Variants in PTPRT observed in about 807,000 individuals in gnomAD.
PTPRT encodes receptor-type tyrosine-protein phosphatase T.
In PTPRT, 56 loss-of-function variants were observed where a neutral mutation model predicts 176.8. The observed-to-expected ratio is 0.32, with a 90% confidence interval of 0.26 to 0.40. The LOEUF is 0.40. PTPRT is among the 10% of genes least tolerant of loss of function. The pLI is 1.00. For missense variants in PTPRT, 1,540 were observed against 1,908.2 expected (o/e 0.81, Z 3.60); for synonymous variants, 783 against 739.0 (o/e 1.06, Z -0.96).
At chr20:42,564,908 A>G (rs964113737) in intron 7 of PTPRT, among the ~76,000 whole-genome samples, 11 of 152,148 alleles carry the variant, frequency 7.2e-5, no homozygotes, top group African/African-American at 2.4e-4. Flanking sequence ...CTCATTTTAT[A>G]TGAAGAACTT....
intron 7 of PTPRT, among the ~76,000 whole-genome samples, chr20:42,484,218 C>T (rs62204948): frequency 5.1e-4 from 78 of 151,998 alleles, no homozygotes; most frequent in African/African-American, 1.8e-3. Context: ...TTTTTTTTCC[C>T]ACAGATCCTA....
intron 7 of PTPRT, among the ~76,000 whole-genome samples, chr20:42,527,575 T>A (rs962883818): frequency 1.3e-5 from 2 of 152,238 alleles, no homozygotes; most frequent in African/African-American, 4.8e-5. Flanking sequence ...TTTCTGATTT[T>A]TCTTCTTATG....
intron 1 of PTPRT, among the ~76,000 whole-genome samples, chr20:42,955,214 T>C (rs1015660890): frequency 4.6e-5 from 7 of 152,204 alleles, no homozygotes; most frequent in African/African-American, 1.4e-4. Context: ...ATTAACACCA[T>C]TAATCCTTCC....
chr20:42,271,663 C>A (rs2147003592), intron 13 of PTPRT, among the ~76,000 whole-genome samples: 1 of 152,308 alleles, frequency 6.6e-6, no homozygotes, highest in African/African-American at 2.4e-5. Context: ...TTCAAGGTCA[C>A]AAACTGGTAA....
intron 14 of PTPRT, among the ~76,000 whole-genome samples, chr20:42,247,712 A>C (rs76882567): frequency 0.045 from 6,897 of 152,220 alleles, 503 homozygotes; most frequent in African/African-American, 0.15. Flanking sequence ...GTTTGCTATG[A>C]TAGACTGAGG....
intron 6 of PTPRT, among the ~76,000 whole-genome samples, chr20:42,719,790 G>A (rs1008361765): frequency 1.3e-5 from 2 of 152,138 alleles, no homozygotes; most frequent in Non-Finnish European, 2.9e-5. Context: ...GTGTATAAAC[G>A]TCACTGGATA....
intron 9 of PTPRT, among the ~76,000 whole-genome samples, chr20:42,405,938 C>G (rs1487551949): frequency 2.6e-5 from 4 of 152,086 alleles, no homozygotes; most frequent in Non-Finnish European, 5.9e-5. Context: ...AAAAGAAAGC[C>G]TTAACTTCTT....
intron 7 of PTPRT, among the ~76,000 whole-genome samples, chr20:42,593,121 A>G (rs773372108): frequency 3.3e-5 from 5 of 152,204 alleles, no homozygotes; most frequent in Non-Finnish European, 7.3e-5. Context: ...CATCTAGTTC[A>G]TGAGCCTTTG....
At chr20:42,481,207 C>G (rs962479925) in intron 7 of PTPRT, among the ~76,000 whole-genome samples, 19 of 152,038 alleles carry the variant, frequency 1.2e-4, no homozygotes, top group Non-Finnish European at 7.4e-5. Context: ...AAAGCTAGAA[C>G]CTTAGGCTAT....
intron 2 of PTPRT, among the ~76,000 whole-genome samples, chr20:42,839,482 A>G (rs1317240251): frequency 1.3e-5 from 2 of 152,168 alleles, no homozygotes; most frequent in Non-Finnish European, 2.9e-5. Flanking sequence ...TGCCCTCCAG[A>G]AAGTGAGGAT....
At chr20:42,508,525 A>T (rs1163912801) in intron 7 of PTPRT, among the ~76,000 whole-genome samples, 2 of 152,184 alleles carry the variant, frequency 1.3e-5, no homozygotes, top group Non-Finnish European at 2.9e-5. Context: ...TTTAACAAAA[A>T]ATAGAATAGC....
intron 2 of PTPRT, among the ~76,000 whole-genome samples, chr20:42,863,474 T>C (rs2078695880): frequency 6.6e-6 from 1 of 152,174 alleles, no homozygotes; most frequent in African/African-American, 2.4e-5. Flanking sequence ...AATGCAGATG[T>C]TTTCTTCCTC....
At chr20:43,032,626 G>T (rs556536542) in intron 1 of PTPRT, among the ~76,000 whole-genome samples, 34 of 152,182 alleles carry the variant, frequency 2.2e-4, no homozygotes, top group African/African-American at 8.2e-4. Flanking sequence ...TGTAGTTCCA[G>T]AAGAGTCCAC....
rs1244009826 is a variant in PTPRT, at chr20:42,291,583, G to A, written c.2140-9058C>T. ...TGTAAGGGAGATGGCATGGGGTGTG[G>A]GTGGGAAGGGAGATGGTCTGCTGCT... On this transcript the variant is annotated intron_variant, in intron 12 of 30. Transcript: ENST00000373187. 2.0e-5 allele frequency among the ~76,000 whole-genome samples: 3 copies of A among 152,214 alleles called. No individual in the cohort carries two copies. In the East Asian group the frequency reaches 5.8e-4, roughly 29 times the overall value.
At chr20:43,149,670 CAT>C (rs1345802920) in intron 1 of PTPRT, among the ~76,000 whole-genome samples, 5 of 152,348 alleles carry the variant, frequency 3.3e-5, no homozygotes, top group South Asian at 2.1e-4. Context: ...AATGAGGTAA[CAT>C]GTGTGAAAGG....
At chr20:42,544,382 T>C (rs1456290672) in intron 7 of PTPRT, among the ~76,000 whole-genome samples, 1 of 152,196 alleles carries the variant, frequency 6.6e-6, no homozygotes, top group Non-Finnish European at 1.5e-5. Flanking sequence ...GCTCTAAAAT[T>C]TTCTTCTGCT....
At chr20:42,536,768 A>C (rs57772475) in intron 7 of PTPRT, among the ~76,000 whole-genome samples, 13,503 of 152,162 alleles carry the variant, frequency 0.089, 962 homozygotes, top group African/African-American at 0.19. Flanking sequence ...TTTTTTTGTA[A>C]TATTAAGTGT....
chr20:42,494,499 T>C (rs1468358307), intron 7 of PTPRT, among the ~76,000 whole-genome samples: 2 of 152,080 alleles, frequency 1.3e-5, no homozygotes, highest in African/African-American at 2.4e-5. Context: ...CTCTCAGTTG[T>C]GGGTTTGGGA....
At chr20:42,544,745 T>C (rs2224167) in intron 7 of PTPRT, among the ~76,000 whole-genome samples, 56,787 of 152,070 alleles carry the variant, frequency 0.37, 10,666 homozygotes, top group Admixed American at 0.42. Context: ...TGGTCTTGCA[T>C]TCAAGTCTTG....
Sources: allele counts gnomAD v4.1 joint callset (sites outside exome capture counted in the v4.1 genomes callset), GRCh38; gene constraint gnomAD v4.1.1; transcripts MANE v1.5; gene names NCBI Gene and HGNC (gene_info 2026-07-23, HGNC 2026-07-21).